ZNF385B: variants seen among roughly 807,000 people sequenced by gnomAD.
ZNF385B encodes the protein zinc finger protein 385B.
Under a neutral mutation model 39.2 loss-of-function variants are expected in ZNF385B, and 23 were observed. The ratio of observed to expected loss-of-function variants is 0.59; its 90% CI spans 0.42 to 0.83. ZNF385B has a LOEUF of 0.83. ZNF385B is among the 40% of genes least tolerant of loss of function. The probability of loss-of-function intolerance (pLI) is 0.00; values close to 1 mark genes in which losing one functional copy is unlikely to be tolerated. For missense variants in ZNF385B, 552 were observed against 598.9 expected, an observed-to-expected ratio of 0.92 and a Z score of 0.82; for synonymous variants, 205 against 222.6, an observed-to-expected ratio of 0.92 and a Z score of 0.70.
chr2:179,592,519 A>G (rs1687651904), intron 3 of ZNF385B, among the ~76,000 whole-genome samples: 1 of 152,088 alleles, frequency 6.6e-6, no homozygotes. Flanking sequence ...CGTCTTTACC[A>G]CAGCAGGAAC....
At chr2:179,631,233 T>C (rs1050754845) in intron 3 of ZNF385B, among the ~76,000 whole-genome samples, 2 of 151,924 alleles carry the variant, frequency 1.3e-5, no homozygotes, top group African/African-American at 2.4e-5. Context: ...TTCAACAAGG[T>C]TGAAATGAAG....
At chr2:179,812,290 G>T (rs1706784786) in intron 1 of ZNF385B, among the ~76,000 whole-genome samples, 3 of 152,102 alleles carry the variant, frequency 2.0e-5, no homozygotes, top group Admixed American at 6.5e-5. Context: ...CCATTACTGG[G>T]TATCTAGCCA....
At chr2:179,684,797 A>C (rs140875041) in intron 3 of ZNF385B, among the ~76,000 whole-genome samples, 4 of 152,354 alleles carry the variant, frequency 2.6e-5, no homozygotes, top group African/African-American at 9.6e-5. Context: ...AAAGACACCC[A>C]AGGCAACCTA....
chr2:179,476,382 G>C (rs1210052087), intron 6 of ZNF385B, among the ~76,000 whole-genome samples: 3 of 152,166 alleles, frequency 2.0e-5, no homozygotes, highest in Admixed American at 2.0e-4. Flanking sequence ...GGTGAAAAAA[G>C]TTTTTAATAG....
intron 3 of ZNF385B, among the ~76,000 whole-genome samples, chr2:179,738,939 A>G (rs945822694): frequency 6.6e-6 from 1 of 152,222 alleles, no homozygotes; most frequent in African/African-American, 2.4e-5. Flanking sequence ...CATTCAGTCC[A>G]GAGTTTTCTA....
At chr2:179,686,381 C>T (rs1304110022) in intron 3 of ZNF385B, among the ~76,000 whole-genome samples, 2 of 152,088 alleles carry the variant, frequency 1.3e-5, no homozygotes, top group Admixed American at 1.3e-4. Context: ...TGCCACAGTG[C>T]CTACGATGTT....
rs866171916 is a variant in ZNF385B, at chr2:179,539,361, C to A, written c.441+5466G>T. Among the ~76,000 whole-genome samples, 4 of 152,150 alleles carry A rather than the reference C, an allele frequency of 2.6e-5. No homozygotes were observed. The South Asian group carries it at 6.2e-4, about 24-fold the overall frequency. On this transcript the variant is annotated intron_variant, in intron 4 of 9. Coordinates refer to ENST00000410066, the MANE Select transcript of ZNF385B (RefSeq NM_152520.6). ...CCTCCAAAGGCTCTATCTCCAGATA[C>A]CATCACTATCAAATTGGGGGTTATG...
intron 5 of ZNF385B, among the ~76,000 whole-genome samples, chr2:179,487,140 G>A (rs2054658004): frequency 6.6e-6 from 1 of 152,222 alleles, no homozygotes; most frequent in Non-Finnish European, 1.5e-5. Context: ...CTTGGCATCA[G>A]TGCCGAAAGT....
intron 3 of ZNF385B, among the ~76,000 whole-genome samples, chr2:179,584,435 GA>G (rs1027438185): frequency 3.3e-5 from 5 of 152,220 alleles, no homozygotes; most frequent in African/African-American, 1.2e-4. Flanking sequence ...CTAGGGGCAG[GA>G]AAGTTTTCTG....
At chr2:179,631,120 C>T (rs1691168975) in intron 3 of ZNF385B, among the ~76,000 whole-genome samples, 1 of 152,194 alleles carries the variant, frequency 6.6e-6, no homozygotes, top group Non-Finnish European at 1.5e-5. Flanking sequence ...AGGAGAACTT[C>T]CCCAACCTAG....
intron 3 of ZNF385B, among the ~76,000 whole-genome samples, chr2:179,697,520 C>A (rs571647309): frequency 6.6e-6 from 1 of 152,266 alleles, no homozygotes; most frequent in Admixed American, 6.5e-5. Flanking sequence ...GTCAGTTAAA[C>A]CTTTTTCCTT....
At chr2:179,829,048 A>C (rs1707831733) in intron 1 of ZNF385B, among the ~76,000 whole-genome samples, 1 of 152,124 alleles carries the variant, frequency 6.6e-6, no homozygotes, top group South Asian at 2.1e-4. Flanking sequence ...AAGTTTTAAG[A>C]GAGCACAACT....
intron 3 of ZNF385B, among the ~76,000 whole-genome samples, chr2:179,689,447 A>G (rs1434911579): frequency 2.0e-5 from 3 of 152,188 alleles, no homozygotes; most frequent in Non-Finnish European, 4.4e-5. Context: ...AGTGAAGGAC[A>G]GAGCACTAAT....
At chr2:179,517,532 T>TAAGAA (rs2058177607) in intron 5 of ZNF385B, among the ~76,000 whole-genome samples, 3 of 149,948 alleles carry the variant, frequency 2.0e-5, no homozygotes, top group Non-Finnish European at 4.5e-5. Context: ...TATGATTTTT[T>TAAGAA]ATTATGCTTC....
rs375013968 is a variant in ZNF385B at position 179,739,747 on chromosome 2, A to G, written c.298+29756T>C. ...CAAACTTTTGGTTATTGCTGGTTAA[A>G]TCAGTTGTAGCTGAAGCAAGTGATA... On this transcript the variant is annotated intron_variant, in intron 3 of 9. Coordinates refer to ENST00000410066, the MANE Select transcript of ZNF385B (RefSeq NM_152520.6). 3.9e-5 allele frequency among the ~76,000 whole-genome samples: 6 copies of G among 152,206 alleles called. No individual in the cohort carries two copies. In the South Asian group the frequency reaches 1.2e-3, roughly 32 times the overall value.
chr2:179,563,065 T>C (rs1363494861), intron 3 of ZNF385B, among the ~76,000 whole-genome samples: 1 of 152,216 alleles, frequency 6.6e-6, no homozygotes, highest in African/African-American at 2.4e-5. Flanking sequence ...TCAAAAAGAC[T>C]AGGGCAGATG....
intron 1 of ZNF385B, among the ~76,000 whole-genome samples, chr2:179,842,757 A>G (rs1708601964): frequency 6.6e-6 from 1 of 152,178 alleles, no homozygotes; most frequent in Admixed American, 6.5e-5. Context: ...GGTAGAGTCC[A>G]TGTGCCGTTA....
intron 1 of ZNF385B, among the ~76,000 whole-genome samples, chr2:179,838,116 T>C (rs766085421): frequency 1.6e-4 from 24 of 152,198 alleles, no homozygotes; most frequent in Non-Finnish European, 2.4e-4. Flanking sequence ...CACTCTGGAA[T>C]ACAGAGGTGA....
chr2:179,481,112 T>G (rs770187443), intron 6 of ZNF385B: 1 of 152,200 alleles, frequency 6.6e-6, no homozygotes, highest in African/African-American at 2.4e-5. Context: ...TCTCGTTCCT[T>G]GTTCACACCA....
Sources: allele counts gnomAD v4.1 joint callset (sites outside exome capture counted in the v4.1 genomes callset), GRCh38; gene constraint gnomAD v4.1.1; transcripts MANE v1.5; gene names NCBI Gene and HGNC (gene_info 2026-07-23, HGNC 2026-07-21).